Variants in CNTNAP2 observed in about 807,000 individuals in gnomAD.
The protein encoded by CNTNAP2 is contactin-associated protein-like 2.
CNTNAP2 carries 98 observed loss-of-function variants against 155.2 expected under a neutral mutation model. The observed-to-expected ratio is 0.63, with a 90% CI of 0.54 to 0.75. The LOEUF (loss-of-function observed/expected upper bound fraction) is 0.75, where lower values mean the gene tolerates loss of function less well. Among genes scored for constraint, CNTNAP2 ranks in the 30% least tolerant of loss-of-function variants. The probability of loss-of-function intolerance (pLI) is 0.00; values close to 1 mark genes in which losing one functional copy is unlikely to be tolerated. For synonymous variants in CNTNAP2, 651 were observed against 631.2 expected (o/e 1.03, Z -0.47); for missense variants, 1,727 against 1,688.1 (o/e 1.02, Z -0.40).
chr7:147,065,515 T>A (rs997775841), intron 4 of CNTNAP2, among the ~76,000 whole-genome samples: 41 of 152,116 alleles, frequency 2.7e-4, no homozygotes, highest in Non-Finnish European at 4.7e-4. Flanking sequence ...ACATTAGGAG[T>A]GGCTGTAGTT....
intron 11 of CNTNAP2, among the ~76,000 whole-genome samples, chr7:147,491,695 T>C (rs930564204): frequency 6.6e-6 from 1 of 152,198 alleles, no homozygotes; most frequent in East Asian, 1.9e-4. Context: ...AACAGTGTTT[T>C]CTTTAAATTT....
intron 13 of CNTNAP2, among the ~76,000 whole-genome samples, chr7:147,705,750 G>A (rs1796301108): frequency 6.6e-6 from 1 of 152,154 alleles, no homozygotes; most frequent in African/African-American, 2.4e-5. Flanking sequence ...AGGTGCATAT[G>A]TGTTTAGAAT....
chr7:147,595,492 G>A (rs1800811347), intron 12 of CNTNAP2, among the ~76,000 whole-genome samples: 1 of 152,144 alleles, frequency 6.6e-6, no homozygotes, highest in Admixed American at 6.6e-5. Context: ...GAATTTTTAT[G>A]GGGACATTTA....
chr7:147,627,924 C>T (rs1374393590), intron 12 of CNTNAP2, among the ~76,000 whole-genome samples: 1 of 135,670 alleles, frequency 7.4e-6, no homozygotes, highest in Non-Finnish European at 1.6e-5. Context: ...GCCAATCAGA[C>T]AAAGACAAGA....
At chr7:146,487,188 A>G (rs1797070381) in intron 1 of CNTNAP2, among the ~76,000 whole-genome samples, 1 of 152,214 alleles carries the variant, frequency 6.6e-6, no homozygotes, top group South Asian at 2.1e-4. Context: ...AAAACGGATT[A>G]TGATAGACTA....
intron 16 of CNTNAP2, among the ~76,000 whole-genome samples, chr7:148,137,294 T>C (rs1455358774): frequency 1.3e-5 from 2 of 152,210 alleles, no homozygotes; most frequent in Non-Finnish European, 2.9e-5. Context: ...TGGTTATGCA[T>C]CTCTTGTGAC....
intron 21 of CNTNAP2, among the ~76,000 whole-genome samples, chr7:148,353,946 C>T (rs1179409168): frequency 2.0e-5 from 3 of 152,166 alleles, no homozygotes; most frequent in Non-Finnish European, 4.4e-5. Context: ...CATTTGAGTA[C>T]ACTCAGAATG....
intron 14 of CNTNAP2, among the ~76,000 whole-genome samples, chr7:147,920,530 C>T (rs1255174245): frequency 4.6e-5 from 7 of 152,146 alleles, no homozygotes; most frequent in Non-Finnish European, 1.0e-4. Context: ...TTGTCTGTGC[C>T]TACCTGTGAT....
chr7:147,424,655 A>T (rs1019698151), intron 10 of CNTNAP2, among the ~76,000 whole-genome samples: 1 of 152,080 alleles, frequency 6.6e-6, no homozygotes, highest in African/African-American at 2.4e-5. Context: ...CTCTCTAGCT[A>T]TATCCTCTAT....
chr7:146,695,242 A>C (rs1800762900), intron 1 of CNTNAP2, among the ~76,000 whole-genome samples: 1 of 152,108 alleles, frequency 6.6e-6, no homozygotes, highest in Non-Finnish European at 1.5e-5. Flanking sequence ...GATATCTATT[A>C]TCAAGTAGAA....
chr7:146,214,799 AG>A (rs1214389219), intron 1 of CNTNAP2, among the ~76,000 whole-genome samples: 4 of 152,218 alleles, frequency 2.6e-5, no homozygotes, highest in Admixed American at 6.5e-5. Flanking sequence ...AAATAACATT[AG>A]TAGAAATAAT....
chr7:146,128,009 C>T (rs1797661847), intron 1 of CNTNAP2, among the ~76,000 whole-genome samples: 1 of 152,042 alleles, frequency 6.6e-6, no homozygotes, highest in Non-Finnish European at 1.5e-5. Context: ...TCATCCTTAC[C>T]TTTGCAACTT....
chr7:146,980,111 T>A (rs1317241832), intron 3 of CNTNAP2, among the ~76,000 whole-genome samples: 7 of 152,078 alleles, frequency 4.6e-5, no homozygotes, highest in Non-Finnish European at 7.4e-5. Context: ...AGGACAGAGT[T>A]TTTGGAGGAT....
chr7:148,045,379 T>C (rs1802757315), intron 15 of CNTNAP2, among the ~76,000 whole-genome samples: 1 of 152,148 alleles, frequency 6.6e-6, no homozygotes, highest in Non-Finnish European at 1.5e-5. Context: ...AGCCACACTG[T>C]GCCTGAGCGG....
chr7:147,820,859 A>T (rs1318487067), intron 13 of CNTNAP2, among the ~76,000 whole-genome samples: 1 of 152,084 alleles, frequency 6.6e-6, no homozygotes, highest in South Asian at 2.1e-4. Flanking sequence ...TTTCTGTCCC[A>T]TTGATTTATT....
intron 13 of CNTNAP2, among the ~76,000 whole-genome samples, chr7:147,830,670 T>G (rs1798532677): frequency 6.6e-6 from 1 of 152,178 alleles, no homozygotes; most frequent in South Asian, 2.1e-4. Context: ...AAAGACCATA[T>G]AATGGGTTGG....
intron 13 of CNTNAP2, among the ~76,000 whole-genome samples, chr7:147,758,754 A>T (rs1201112303): frequency 2.0e-5 from 3 of 152,100 alleles, no homozygotes; most frequent in Non-Finnish European, 4.4e-5. Context: ...CTGAGGTGAG[A>T]GGATCACTTG....
chr7:147,911,589 T>C (rs1192835498), intron 14 of CNTNAP2, among the ~76,000 whole-genome samples: 1 of 152,190 alleles, frequency 6.6e-6, no homozygotes, highest in Non-Finnish European at 1.5e-5. Flanking sequence ...CTCAAAATAA[T>C]GTAAAGTTCC....
intron 15 of CNTNAP2, among the ~76,000 whole-genome samples, chr7:148,088,126 G>T (rs1161878568): frequency 6.6e-6 from 1 of 151,984 alleles, no homozygotes; most frequent in Non-Finnish European, 1.5e-5. Context: ...GCAGCAAGTT[G>T]AATCCTTGTA....
Sources: gnomAD v4.1 joint callset for allele counts (sites outside exome capture counted in the v4.1 genomes callset) on GRCh38, gnomAD v4.1.1 for gene constraint, MANE v1.5 for transcripts, NCBI Gene and HGNC (gene_info 2026-07-23, HGNC 2026-07-21) for gene names.